The following FAM187A variants were observed in gnomAD, a reference collection of about 807,000 sequenced individuals.
FAM187A encodes the protein Ig-like V-type domain-containing protein FAM187A.
FAM187A carries 4 observed loss-of-function variants against 6.4 expected under a neutral mutation model. The observed-to-expected ratio is 0.63, with a 90% confidence interval of 0.31 to 1.44. The LOEUF (loss-of-function observed/expected upper bound fraction) is 1.44, where lower values mean the gene tolerates loss of function less well. Ranked by LOEUF, FAM187A falls within the 40% of genes most tolerant of loss-of-function variation. The pLI, the probability that FAM187A is intolerant of heterozygous loss-of-function variation, is 0.07. For missense variants in FAM187A, 463 were observed against 542.2 expected, an observed-to-expected ratio of 0.85 and a Z score of 1.45; for synonymous variants, 221 against 213.4, an observed-to-expected ratio of 1.04 and a Z score of -0.31.
exon 4 of FAM187A, chr17:44,904,657 C>A (rs1004027441): frequency 1.7e-5 from 26 of 1,550,442 alleles, no homozygotes; most frequent in Non-Finnish European, 2.2e-5. Flanking sequence ...CCATTCAGTT[C>A]CACCAGCAGA....
In FAM187A at chr17:44,905,219, G is replaced by C. The variant is rs951093906; in HGVS notation, c.*148G>C. The C allele has an allele frequency of 1.5e-5, 10 of 668,054 alleles. No homozygotes were observed. The African/African-American group carries it at 1.8e-4, about 12-fold the overall frequency. 41.4% of individuals were successfully genotyped at this position (668,054 alleles called of 1,614,324 possible). On this transcript the variant is annotated 3_prime_UTR_variant, in exon 4 of 4. Coordinates refer to ENST00000331733, the Ensembl canonical transcript of FAM187A. ...AGCCTGCTCCCCATTTTCATGGGCA[G>C]GTCTGGGACCTGATCTGAGAAGTGG...
chr17:44,904,882 A>G, exon 4 of FAM187A: 1 of 1,550,616 alleles, frequency 6.4e-7, no homozygotes, highest in Non-Finnish European at 8.7e-7. Flanking sequence ...AGGGTGTGCT[A>G]GTTGCTGGCT....
chr17:44,904,204 C>T (rs376556091), exon 4 of FAM187A: 25 of 1,550,508 alleles, frequency 1.6e-5, no homozygotes, highest in South Asian at 4.8e-5. Flanking sequence ...TGTACTTCTG[C>T]GGCACCCGCA....
chr17:44,903,801 T>C (rs569096360), exon 4 of FAM187A: 1 of 1,533,078 alleles, frequency 6.5e-7, no homozygotes, highest in African/African-American at 1.4e-5. Context: ...GGTTTTGCCC[T>C]GCCCCTCTGA....
At chr17:44,903,771 C>T in exon 4 of FAM187A, 1 of 1,497,570 alleles carries the variant, frequency 6.7e-7, no homozygotes, top group Non-Finnish European at 8.9e-7. Context: ...TCTAGGAGCC[C>T]TATGAGCCTT....
exon 4 of FAM187A, chr17:44,904,026 T>C (rs2051607806): frequency 1.3e-6 from 2 of 1,550,530 alleles, no homozygotes; most frequent in Admixed American, 3.9e-5. Flanking sequence ...GTAGTCTGGT[T>C]CTACCAAAAG....
chr17:44,905,059 C>G (rs1273313349), exon 4 of FAM187A: 17 of 1,541,606 alleles, frequency 1.1e-5, no homozygotes, highest in Non-Finnish European at 1.5e-5. Flanking sequence ...GTTGTCCCAG[C>G]TTCTCCCCCT....
chr17:44,904,706 C>A, exon 4 of FAM187A: 1 of 1,550,576 alleles, frequency 6.4e-7, no homozygotes, highest in South Asian at 1.2e-5. Context: ...TCCTGGGGCC[C>A]GGCCAGAGCA....
exon 4 of FAM187A, chr17:44,903,705 C>T (rs2051601769): frequency 6.9e-7 from 1 of 1,440,022 alleles, no homozygotes. Flanking sequence ...ATTGTTGCTG[C>T]TTTTCCTGGC....
At chr17:44,904,079 G>A (rs1157150439) in exon 4 of FAM187A, 1 of 1,550,618 alleles carries the variant, frequency 6.4e-7, no homozygotes, top group Admixed American at 2.0e-5. Flanking sequence ...GGACTTTGAT[G>A]GGCGGGTGCT....
chr17:44,904,307 G>A (rs1479815356), exon 4 of FAM187A: 7 of 1,547,080 alleles, frequency 4.5e-6, no homozygotes, highest in South Asian at 1.2e-5. Flanking sequence ...GCCCTTTGCA[G>A]ATGAATACTA....
At chr17:44,903,925 C>T in exon 4 of FAM187A, 1 of 1,550,602 alleles carries the variant, frequency 6.4e-7, no homozygotes. Context: ...GGACCCCCTG[C>T]CCTGCTTTCC....
At chr17:44,905,112 G>C in exon 4 of FAM187A, 1 of 1,442,974 alleles carries the variant, frequency 6.9e-7, no homozygotes, top group Non-Finnish European at 9.4e-7. Flanking sequence ...CCTTCAATGT[G>C]TTTGTTAAAT....
At position 44,903,729 on chromosome 17, in the gene FAM187A, C is replaced by T. The variant is rs1298390238; in HGVS notation, c.-101C>T. ...GCTTTTCCTGGCTGCATAATCCTTT[C>T]CTCATCTAGAGGCTTCCGCTTAGCA... On this transcript the variant is annotated 5_prime_UTR_variant, in exon 4 of 4. Transcript: ENST00000331733. 6.2e-6 allele frequency: 9 copies of T among 1,448,082 alleles called. No individual in the cohort carries two copies. The South Asian group carries it at 1.3e-4, about 22-fold the overall frequency. 89.7% of individuals were successfully genotyped at this position (1,448,082 alleles called of 1,614,324 possible). A position where few individuals can be genotyped will look rare whatever the true frequency, so the allele number is the denominator to read the frequency against.
chr17:44,905,197 C>A, exon 4 of FAM187A: 1 of 740,578 alleles, frequency 1.4e-6, no homozygotes, highest in Non-Finnish European at 2.2e-6. Flanking sequence ...CTGTTACAGC[C>A]TGCTCCCCAT....
chr17:44,904,442 C>G (rs2051617993), exon 4 of FAM187A: 3 of 1,542,418 alleles, frequency 1.9e-6, no homozygotes, highest in Non-Finnish European at 2.6e-6. Flanking sequence ...CCCACGCTAC[C>G]TCAAGGCCGT....
chr17:44,903,615 A>T (rs2051600092), exon 4 of FAM187A: 3 of 1,407,724 alleles, frequency 2.1e-6, no homozygotes, highest in Admixed American at 3.2e-5. Context: ...CCACCCTGAG[A>T]TCAGGTCTGG....
At chr17:44,904,427 C>G (rs2051617695) in exon 4 of FAM187A, 1 of 1,541,640 alleles carries the variant, frequency 6.5e-7, no homozygotes, top group Non-Finnish European at 8.8e-7. Flanking sequence ...GAGCCCAGAC[C>G]TCTCCCCACG....
chr17:44,904,901 G>T (rs779925749), exon 4 of FAM187A: 2 of 1,550,596 alleles, frequency 1.3e-6, no homozygotes, highest in Non-Finnish European at 1.7e-6. Context: ...CTTCCGGCTG[G>T]GTGTGACATC....
Sources: allele counts gnomAD v4.1 joint callset, GRCh38; gene constraint gnomAD v4.1.1; transcripts MANE v1.5; gene names NCBI Gene and HGNC (gene_info 2026-07-23, HGNC 2026-07-21).